LRRC4C: variants seen among roughly 807,000 people sequenced by gnomAD.
LRRC4C encodes the protein leucine rich repeat containing 4C.
In LRRC4C, 5 loss-of-function variants were observed where a neutral mutation model predicts 33.6. The observed-to-expected ratio is 0.15, with a 90% confidence interval of 0.08 to 0.31. The LOEUF (loss-of-function observed/expected upper bound fraction) is 0.31. Among genes scored for constraint, LRRC4C ranks in the 10% least tolerant of loss-of-function variants. LRRC4C has a pLI of 1.00. For synonymous variants in LRRC4C, 329 were observed against 302.0 expected, an observed-to-expected ratio of 1.09 and a Z score of -0.93; for missense variants, 560 against 796.7, an observed-to-expected ratio of 0.70 and a Z score of 3.58.
intron 3 of LRRC4C, among the ~76,000 whole-genome samples, chr11:40,638,824 T>C (rs1941933252): frequency 6.6e-6 from 1 of 150,994 alleles, no homozygotes; most frequent in Admixed American, 6.6e-5. Flanking sequence ...ACTTCAAAAG[T>C]AGTTTAGCAT....
chr11:40,185,417 A>G (rs781503561), intron 5 of LRRC4C, among the ~76,000 whole-genome samples: 1 of 151,878 alleles, frequency 6.6e-6, no homozygotes, highest in Non-Finnish European at 1.5e-5. Flanking sequence ...CCCACCCCCA[A>G]CCACAACCTT....
intron 2 of LRRC4C, among the ~76,000 whole-genome samples, chr11:40,808,197 A>G (rs1951333814): frequency 6.6e-6 from 1 of 152,040 alleles, no homozygotes; most frequent in Non-Finnish European, 1.5e-5. Flanking sequence ...CTGATATTTT[A>G]TATTATCATA....
intron 1 of LRRC4C, among the ~76,000 whole-genome samples, chr11:41,102,018 A>G (rs1049146224): frequency 2.0e-5 from 3 of 152,076 alleles, no homozygotes; most frequent in Non-Finnish European, 2.9e-5. Context: ...GAACAGAAAA[A>G]AATAACTATT....
intron 2 of LRRC4C, among the ~76,000 whole-genome samples, chr11:40,783,958 C>T (rs748738878): frequency 6.6e-6 from 1 of 152,042 alleles, no homozygotes; most frequent in Non-Finnish European, 1.5e-5. Context: ...GTGCAACATT[C>T]ATTGGACAAA....
intron 2 of LRRC4C, among the ~76,000 whole-genome samples, chr11:40,825,709 GTTTC>G (rs921248617): frequency 6.6e-6 from 1 of 151,604 alleles, no homozygotes; most frequent in Non-Finnish European, 1.5e-5. Context: ...ACAGGGGAGT[GTTTC>G]TTTTTCTTTC....
chr11:40,600,018 A>C (rs760148379), intron 3 of LRRC4C, among the ~76,000 whole-genome samples: 3 of 152,214 alleles, frequency 2.0e-5, no homozygotes, highest in Non-Finnish European at 4.4e-5. Flanking sequence ...TGGTAAGCCC[A>C]GTGTATTCTC....
At chr11:40,202,193 G>A (rs1438796997) in intron 5 of LRRC4C, among the ~76,000 whole-genome samples, 1 of 135,446 alleles carries the variant, frequency 7.4e-6, no homozygotes, top group South Asian at 2.5e-4. Flanking sequence ...AGGCTTCCTC[G>A]GAGGGTCCTG....
intron 1 of LRRC4C, among the ~76,000 whole-genome samples, chr11:40,998,116 T>A (rs1399977726): frequency 6.6e-6 from 1 of 152,100 alleles, no homozygotes; most frequent in Non-Finnish European, 1.5e-5. Context: ...TGAATTCAGG[T>A]TTCAATAAAT....
intron 1 of LRRC4C, among the ~76,000 whole-genome samples, chr11:41,071,209 T>C (rs7927400): frequency 0.072 from 11,003 of 151,986 alleles, 428 homozygotes; most frequent in Non-Finnish European, 0.095. Flanking sequence ...TGAGAACACA[T>C]GGACACAGGG....
intron 3 of LRRC4C, among the ~76,000 whole-genome samples, chr11:40,549,342 C>T (rs1019769874): frequency 3.3e-5 from 5 of 152,056 alleles, no homozygotes; most frequent in Admixed American, 2.6e-4. Context: ...TTTAAGACAA[C>T]CAGGAGCGCA....
intron 2 of LRRC4C, among the ~76,000 whole-genome samples, chr11:40,665,455 A>G (rs1943755369): frequency 6.8e-6 from 1 of 146,688 alleles, no homozygotes; most frequent in Non-Finnish European, 1.5e-5. Context: ...ATGATTCCAT[A>G]TTCTATTTCT....
At chr11:40,979,193 T>C (rs1294838830) in intron 1 of LRRC4C, among the ~76,000 whole-genome samples, 1 of 152,196 alleles carries the variant, frequency 6.6e-6, no homozygotes, top group Non-Finnish European at 1.5e-5. Flanking sequence ...TCTCATAGAA[T>C]GCAGTATCTT....
intron 2 of LRRC4C, among the ~76,000 whole-genome samples, chr11:40,812,180 C>G (rs1045670991): frequency 6.6e-6 from 1 of 152,070 alleles, no homozygotes; most frequent in Non-Finnish European, 1.5e-5. Flanking sequence ...AAAGGAGATG[C>G]TTATTTCTAT....
chr11:40,971,417 G>A (rs925763438), intron 1 of LRRC4C, among the ~76,000 whole-genome samples: 7 of 152,268 alleles, frequency 4.6e-5, no homozygotes, highest in South Asian at 2.1e-4. Flanking sequence ...TGGCTTCCAC[G>A]TGGTGTTAGG....
chr11:40,968,197 C>A (rs1053692141), intron 1 of LRRC4C, among the ~76,000 whole-genome samples: 3 of 152,028 alleles, frequency 2.0e-5, no homozygotes, highest in African/African-American at 7.2e-5. Context: ...TTTTCTTAAG[C>A]CAAAGCTTAG....
At chr11:41,355,574 T>C (rs1016000680) in intron 1 of LRRC4C, among the ~76,000 whole-genome samples, 1 of 152,154 alleles carries the variant, frequency 6.6e-6, no homozygotes, top group African/African-American at 2.4e-5. Context: ...AGTTAAATAT[T>C]GTATGGATTG....
chr11:41,340,386 G>C (rs1260618234), intron 1 of LRRC4C, among the ~76,000 whole-genome samples: 1 of 152,114 alleles, frequency 6.6e-6, no homozygotes, highest in Non-Finnish European at 1.5e-5. Flanking sequence ...ATTTTCATGA[G>C]AGTATATGGG....
intron 3 of LRRC4C, among the ~76,000 whole-genome samples, chr11:40,397,880 G>A (rs1218066860): frequency 6.6e-6 from 1 of 152,094 alleles, no homozygotes; most frequent in South Asian, 2.1e-4. Context: ...ATATAGTTCT[G>A]TTGGAAAAAC....
chr11:41,424,283 C>A (rs1312943149), intron 1 of LRRC4C, among the ~76,000 whole-genome samples: 3 of 151,992 alleles, frequency 2.0e-5, no homozygotes, highest in Non-Finnish European at 4.4e-5. Flanking sequence ...CATAAATAAT[C>A]TGGGATTTTA....
Sources: allele counts gnomAD v4.1 joint callset (sites outside exome capture counted in the v4.1 genomes callset), GRCh38; gene constraint gnomAD v4.1.1; transcripts MANE v1.5; gene names NCBI Gene and HGNC (gene_info 2026-07-23, HGNC 2026-07-21).